OSBPL10: variants seen among roughly 807,000 people sequenced by gnomAD.
OSBPL10 encodes oxysterol binding protein like 10, also known as oxysterol-binding protein-related protein 10.
A neutral mutation model predicts 81.7 loss-of-function variants in OSBPL10; 49 were observed. The ratio of observed to expected loss-of-function variants is 0.60; its 90% confidence interval spans 0.48 to 0.76. The LOEUF (loss-of-function observed/expected upper bound fraction) is 0.76. OSBPL10 is among the 30% of genes least tolerant of loss of function. OSBPL10 has a pLI of 0.00. For missense variants in OSBPL10, 923 were observed against 987.8 expected, an observed-to-expected ratio of 0.93 and a Z score of 0.88; for synonymous variants, 419 against 383.6, an observed-to-expected ratio of 1.09 and a Z score of -1.08.
intron 4 of OSBPL10, among the ~76,000 whole-genome samples, chr3:31,824,037 G>A (rs1700043967): frequency 6.6e-6 from 1 of 152,040 alleles, no homozygotes; most frequent in Non-Finnish European, 1.5e-5. Context: ...ATTTTTGGTA[G>A]AGATGGGGTT....
Position 31,723,891 on chromosome 3 carries a change from G to A in OSBPL10, c.1095+9366C>T, listed in dbSNP as rs9823867. 5.5e-3 allele frequency among the ~76,000 whole-genome samples: 836 copies of A among 152,222 alleles called. 8 individuals carry two copies. Among genetic ancestry groups the A allele is most frequent in the African/African-American group, 0.019 (801 of 41,534 alleles). On this transcript the variant is annotated intron_variant, in intron 6 of 11. Coordinates refer to ENST00000396556, the MANE Select transcript of OSBPL10 (RefSeq NM_017784.5). ...ATCACTTTTAGAATAGTCATTCATC[G>A]TGGGAAAATAAAAATATAAGCCAGG...
intron 3 of OSBPL10, among the ~76,000 whole-genome samples, chr3:31,839,256 C>T (rs1700436235): frequency 6.6e-6 from 1 of 152,216 alleles, no homozygotes; most frequent in African/African-American, 2.4e-5. Flanking sequence ...CATACCACCA[C>T]ACTTATCATA....
chr3:31,780,935 A>G (rs1379329082), intron 4 of OSBPL10, among the ~76,000 whole-genome samples: 4 of 152,128 alleles, frequency 2.6e-5, no homozygotes, highest in Admixed American at 2.0e-4. Context: ...TGCAGAAGAT[A>G]AAGAGGGAAT....
At chr3:32,047,960 C>T (rs912764422) in intron 1 of OSBPL10, among the ~76,000 whole-genome samples, 1 of 152,098 alleles carries the variant, frequency 6.6e-6, no homozygotes, top group African/African-American at 2.4e-5. Context: ...CCACCACGCC[C>T]GGCCTACAAC....
At position 31,989,146 on chromosome 3, in the gene OSBPL10, C is replaced by T. The variant is rs1415876558; in HGVS notation, n.298+57345G>A. On this transcript the variant is annotated intron_variant and non_coding_transcript_variant, in intron 2 of 3. Coordinates refer to the OSBPL10 transcript ENST00000479173. The stretch of plus-strand genomic sequence containing the variant: ...GCCAGGCATGGCTCTTCCTCAGGGA[C>T]ACTTGACTTTTAGGGATGTGGCTAT... 9 of 1,613,996 alleles carry T rather than the reference C, an allele frequency of 5.6e-6. No individual in the cohort carries two copies. In the Admixed American group the frequency reaches 1.5e-4, roughly 27 times the overall value.
Position 31,788,222 on chromosome 3 carries a change from T to A in OSBPL10, c.730-40102A>T, listed in dbSNP as rs115252176. On this transcript the variant is annotated intron_variant, in intron 4 of 11. Transcript: ENST00000396556. ...TTACAAGAAATTAGTTTTCTAGAAC[T>A]ATCAACATGAACAGGAATACTGAAA... Among the ~76,000 whole-genome samples, 689 of 152,344 alleles carry A rather than the reference T, an allele frequency of 4.5e-3. 5 individuals carry two copies. The highest frequency in any genetic ancestry group is 0.015 in the African/African-American group (640 of 41,580).
chr3:31,697,634 C>T (rs1695766568), intron 7 of OSBPL10, among the ~76,000 whole-genome samples: 1 of 152,166 alleles, frequency 6.6e-6, no homozygotes, highest in Non-Finnish European at 1.5e-5. Flanking sequence ...ACTTTACAGT[C>T]ATCTTTTATT....
chr3:31,954,368 A>C (rs974753123), intron 1 of OSBPL10, among the ~76,000 whole-genome samples: 2 of 152,220 alleles, frequency 1.3e-5, no homozygotes, highest in African/African-American at 4.8e-5. Flanking sequence ...CCCAAGTTCC[A>C]TGAGGAGGGC....
chr3:31,833,279 TC>T (rs1031364117), intron 3 of OSBPL10, among the ~76,000 whole-genome samples: 1 of 151,982 alleles, frequency 6.6e-6, no homozygotes, highest in East Asian at 1.9e-4. Flanking sequence ...CACACCTCTA[TC>T]CCCCCACTCC....
At chr3:32,002,021 T>C (rs1290597062) in intron 2 of OSBPL10, among the ~76,000 whole-genome samples, 3 of 152,214 alleles carry the variant, frequency 2.0e-5, no homozygotes, top group Non-Finnish European at 4.4e-5. Flanking sequence ...GATTAATAAA[T>C]GGCAGGTTAG....
chr3:31,779,475 T>C (rs1698631105), intron 4 of OSBPL10, among the ~76,000 whole-genome samples: 1 of 152,148 alleles, frequency 6.6e-6, no homozygotes, highest in Non-Finnish European at 1.5e-5. Flanking sequence ...AGAGGGACAT[T>C]ACATAATGAT....
chr3:31,924,821 ACTTT>A (rs1422130073), intron 1 of OSBPL10, among the ~76,000 whole-genome samples: 1 of 151,214 alleles, frequency 6.6e-6, no homozygotes, highest in Non-Finnish European at 1.5e-5. Flanking sequence ...TTCCAATAAA[ACTTT>A]ATTTACAAAA....
chr3:31,764,118 C>T (rs1698134917), intron 4 of OSBPL10, among the ~76,000 whole-genome samples: 1 of 152,226 alleles, frequency 6.6e-6, no homozygotes, highest in Non-Finnish European at 1.5e-5. Context: ...CCTTTGCAGA[C>T]ACCTGCATTT....
intron 4 of OSBPL10, among the ~76,000 whole-genome samples, chr3:31,816,677 C>CT (rs1394207472): frequency 3.9e-5 from 6 of 152,170 alleles, no homozygotes; most frequent in African/African-American, 1.4e-4. Context: ...CCTGAGTTCT[C>CT]ACCTGCATCC....
intron 4 of OSBPL10, among the ~76,000 whole-genome samples, chr3:31,779,162 A>T (rs1489376014): frequency 1.4e-5 from 2 of 144,468 alleles, no homozygotes; most frequent in African/African-American, 2.5e-5. Flanking sequence ...ACACAATTTT[A>T]AAAAAAGGTA....
intron 4 of OSBPL10, among the ~76,000 whole-genome samples, chr3:31,807,257 G>A (rs1270472502): frequency 6.6e-6 from 1 of 152,102 alleles, no homozygotes; most frequent in Non-Finnish European, 1.5e-5. Flanking sequence ...TTGCACACCT[G>A]TAATCCCAGC....
intron 6 of OSBPL10, among the ~76,000 whole-genome samples, chr3:31,710,385 A>G (rs1275685659): frequency 6.6e-6 from 1 of 152,108 alleles, no homozygotes. Flanking sequence ...ACACTCCTGC[A>G]TCTTCCTACT....
chr3:31,736,399 G>A (rs888234562), intron 5 of OSBPL10, among the ~76,000 whole-genome samples: 54 of 152,214 alleles, frequency 3.5e-4, no homozygotes, highest in African/African-American at 1.2e-3. Flanking sequence ...AAAACCAAAG[G>A]CTAAAGATGC....
intron 1 of OSBPL10, among the ~76,000 whole-genome samples, chr3:31,890,508 T>A (rs1321149189): frequency 6.6e-6 from 1 of 151,984 alleles, no homozygotes; most frequent in Non-Finnish European, 1.5e-5. Context: ...CCAGGCTGAG[T>A]GAAGCACCTC....
Sources: allele counts gnomAD v4.1 joint callset (sites outside exome capture counted in the v4.1 genomes callset), GRCh38; gene constraint gnomAD v4.1.1; transcripts MANE v1.5; gene names NCBI Gene and HGNC (gene_info 2026-07-23, HGNC 2026-07-21).